The following APBA2 variants were observed in gnomAD, a reference collection of about 807,000 sequenced individuals.
The protein encoded by APBA2 is amyloid-beta A4 precursor protein-binding family A member 2.
In APBA2, 30 loss-of-function variants were observed where a neutral mutation model predicts 75.0. The ratio of observed to expected loss-of-function variants is 0.40; its 90% CI spans 0.30 to 0.54. The LOEUF is 0.54. Among genes scored for constraint, APBA2 ranks in the 20% least tolerant of loss-of-function variants. The probability of loss-of-function intolerance (pLI) is 0.49; values close to 1 mark genes in which losing one functional copy is unlikely to be tolerated. For missense variants in APBA2, 801 were observed against 1,016.1 expected (o/e 0.79, Z 2.88); for synonymous variants, 444 against 409.6 (o/e 1.08, Z -1.01).
chr15:29,049,206 A>G (rs1210260693), intron 3 of APBA2, among the ~76,000 whole-genome samples: 1 of 152,190 alleles, frequency 6.6e-6, no homozygotes, highest in Non-Finnish European at 1.5e-5. Context: ...TATCTGAGAC[A>G]TTCTAGGTTC....
intron 3 of APBA2, among the ~76,000 whole-genome samples, chr15:29,031,236 AAG>A (rs2040472557): frequency 6.6e-6 from 1 of 152,222 alleles, no homozygotes; most frequent in Admixed American, 6.5e-5. Context: ...GATGGACTAA[AAG>A]AGAGTATAAA....
rs2041348361 is a variant in APBA2, at chr15:29,046,659, G to C, written c.-40-7186G>C. ...GACCTGGCCTTTGGCCCACAACCTT[G>C]GAATCTTGGGCCATGAACCTGCACA... On this transcript the variant is annotated intron_variant, in intron 3 of 14. Transcript: ENST00000683413. This position sits in a 1 kb window ranked among gnomAD's most constrained non-coding sequence, Gnocchi z 5.0. Among the ~76,000 whole-genome samples the C allele has an allele frequency of 2.6e-5, 4 of 152,310 alleles. 1 individual carries two copies. The highest frequency in any genetic ancestry group is 7.2e-5 in the African/African-American group (3 of 41,572).
intron 12 of APBA2, among the ~76,000 whole-genome samples, chr15:29,107,064 C>T (rs1300963626): frequency 3.3e-5 from 5 of 152,154 alleles, no homozygotes; most frequent in Non-Finnish European, 7.3e-5. Flanking sequence ...TTGTCTGAGC[C>T]CTGTACCGAG....
chr15:28,962,672 C>T (rs1166631856), intron 2 of APBA2, among the ~76,000 whole-genome samples: 1 of 147,636 alleles, frequency 6.8e-6, no homozygotes, highest in Non-Finnish European at 1.5e-5. Flanking sequence ...CTCTGCCTCC[C>T]AAAATGCTGG....
chr15:29,031,914 G>C (rs2040506672), intron 3 of APBA2, among the ~76,000 whole-genome samples: 1 of 152,372 alleles, frequency 6.6e-6, no homozygotes, highest in South Asian at 2.1e-4. Flanking sequence ...AGTTGAGGGT[G>C]AAGTGCAGGC....
intron 1 of APBA2, among the ~76,000 whole-genome samples, chr15:28,892,098 G>A (rs998948770): frequency 3.3e-5 from 5 of 151,954 alleles, no homozygotes; most frequent in African/African-American, 4.8e-5. Context: ...TTTTTGAGAC[G>A]GAGTCTCGCC....
At chr15:29,031,482 T>A (rs2040485117) in intron 3 of APBA2, among the ~76,000 whole-genome samples, 1 of 152,136 alleles carries the variant, frequency 6.6e-6, no homozygotes, top group East Asian at 1.9e-4. Context: ...TTATCTTTTT[T>A]TTTTGAGATG....
At chr15:29,064,652 G>A (rs554727228) in intron 4 of APBA2, among the ~76,000 whole-genome samples, 199 of 152,190 alleles carry the variant, frequency 1.3e-3, no homozygotes, top group Admixed American at 2.1e-3. Context: ...GGCTGGAATC[G>A]TGATGTGGCT....
chr15:28,914,217 C>A (rs1381316840), intron 1 of APBA2, among the ~76,000 whole-genome samples: 1 of 152,190 alleles, frequency 6.6e-6, no homozygotes, highest in Admixed American at 6.5e-5. Context: ...GCTCCCCCTG[C>A]TCATCCCAGG....
intron 1 of APBA2, among the ~76,000 whole-genome samples, chr15:28,909,474 T>C (rs2033324040): frequency 1.3e-5 from 2 of 152,232 alleles, no homozygotes; most frequent in Admixed American, 6.5e-5. Context: ...ACTGCCCCCA[T>C]TGTATGGATA....
chr15:28,932,757 T>C (rs566070657), intron 2 of APBA2, among the ~76,000 whole-genome samples: 1 of 152,300 alleles, frequency 6.6e-6, no homozygotes, highest in East Asian at 1.9e-4. Flanking sequence ...GATCTGATGC[T>C]TGTGTTCCAC....
At chr15:29,059,403 C>T (rs1039512796) in intron 4 of APBA2, among the ~76,000 whole-genome samples, 7 of 151,922 alleles carry the variant, frequency 4.6e-5, no homozygotes, top group East Asian at 1.9e-4. Flanking sequence ...ACTTCTGTAG[C>T]GTATGATGAA....
intron 1 of APBA2, among the ~76,000 whole-genome samples, chr15:28,897,294 C>T (rs1416747132): frequency 2.6e-5 from 4 of 151,882 alleles, no homozygotes; most frequent in Admixed American, 1.3e-4. Flanking sequence ...GACACCATTC[C>T]ACACCCACCA....
At position 29,108,319 on chromosome 15, in the gene APBA2, C is replaced by T; in HGVS notation, c.1967C>T (p.Pro656Leu). 1 of 1,614,086 alleles carries T rather than the reference C, an allele frequency of 6.2e-7. No homozygotes were observed. The highest frequency in any genetic ancestry group is 8.5e-7 in the Non-Finnish European group (1 of 1,180,032). Residue 656 changes from proline (P) to leucine (L), a missense_variant, in exon 13 of 15, where the codon CCG becomes CTG. Transcript: ENST00000683413. ...QVKLNIVSCPPVTTVLIKRPD... is the reference protein window; with the variant it reads ...QVKLNIVSCPLVTTVLIKRPD... ...AAGCTCAACATTGTCAGCTGTCCCC[C>T]GGTCACCACGGTCCTTATCAAGCGG...
intron 4 of APBA2, among the ~76,000 whole-genome samples, chr15:29,065,534 T>C (rs2042342855): frequency 6.6e-6 from 1 of 152,098 alleles, no homozygotes; most frequent in Admixed American, 6.5e-5. Context: ...GATAATACCA[T>C]GGGCAGCTCA....
chr15:29,117,757 T>C lies in APBA2; in HGVS notation c.*624T>C, dbSNP rs2152991346. The C allele has an allele frequency of 6.6e-6, 1 of 152,644 alleles. No individual in the cohort carries two copies. The highest frequency in any genetic ancestry group is 1.9e-4 in the East Asian group (1 of 5,188). The allele number at this position is 152,644 out of a possible 1,614,324, so 9.5% of individuals were successfully genotyped here. On this transcript the variant is annotated 3_prime_UTR_variant, in exon 15 of 15. Coordinates refer to ENST00000683413, the MANE Select transcript of APBA2 (RefSeq NM_001353788.2). ...AGATGCTATTATTACTGTTTGGACT[T>C]TTATTTTGGCAGGCTTTTTTCCAGA...
chr15:28,950,530 G>A (rs1190985225), intron 2 of APBA2, among the ~76,000 whole-genome samples: 2 of 152,020 alleles, frequency 1.3e-5, no homozygotes, highest in Admixed American at 6.5e-5. Context: ...GGGAGACTGA[G>A]GCAGGAGAAT....
intron 13 of APBA2, among the ~76,000 whole-genome samples, chr15:29,109,741 T>G (rs1158940873): frequency 2.0e-5 from 3 of 152,220 alleles, no homozygotes; most frequent in Admixed American, 2.0e-4. Context: ...ATACCTTCCC[T>G]GCTGTGTGAC....
At chr15:29,063,962 C>A (rs548748842) in intron 4 of APBA2, among the ~76,000 whole-genome samples, 1 of 152,044 alleles carries the variant, frequency 6.6e-6, no homozygotes, top group Admixed American at 6.5e-5. Context: ...AAGGGCCTCC[C>A]AAGGTGCCCC....
Sources: allele counts gnomAD v4.1 joint callset (sites outside exome capture counted in the v4.1 genomes callset), GRCh38; gene constraint gnomAD v4.1.1; non-coding constraint Gnocchi (gnomAD v3.1); transcripts MANE v1.5; gene names NCBI Gene and HGNC (gene_info 2026-07-23, HGNC 2026-07-21).